ZNF536: variants seen among roughly 807,000 people sequenced by gnomAD.
The protein encoded by ZNF536 is zinc finger protein 536.
In ZNF536, 13 loss-of-function variants were observed where a neutral mutation model predicts 84.5. The ratio of observed to expected loss-of-function variants is 0.15; its 90% confidence interval spans 0.10 to 0.24. The LOEUF (loss-of-function observed/expected upper bound fraction) is 0.24, where lower values mean the gene tolerates loss of function less well. ZNF536 is among the 10% of genes least tolerant of loss of function. The probability of loss-of-function intolerance (pLI) is 1.00; values close to 1 mark genes in which losing one functional copy is unlikely to be tolerated. For synonymous variants in ZNF536, 811 were observed against 742.5 expected (o/e 1.09, Z -1.50); for missense variants, 1,536 against 1,747.5 (o/e 0.88, Z 2.16).
At chr19:30,521,403 G>A (rs2044314974) in intron 2 of ZNF536, among the ~76,000 whole-genome samples, 1 of 152,174 alleles carries the variant, frequency 6.6e-6, no homozygotes, top group Non-Finnish European at 1.5e-5. Flanking sequence ...CTCATCTTGG[G>A]ATCCTTGTCT....
chr19:30,285,963 T>C (rs1412365290), intron 2 of ZNF536, among the ~76,000 whole-genome samples: 2 of 152,192 alleles, frequency 1.3e-5, no homozygotes, highest in African/African-American at 4.8e-5. Context: ...CTGTCAGAGT[T>C]CCAGAGTTCC....
At chr19:30,463,286 A>G (rs1202983396) in intron 2 of ZNF536, among the ~76,000 whole-genome samples, 1 of 152,080 alleles carries the variant, frequency 6.6e-6, no homozygotes, top group Non-Finnish European at 1.5e-5. Flanking sequence ...TTTTTCCAAA[A>G]CCTTCGCTCA....
intron 1 of ZNF536, among the ~76,000 whole-genome samples, chr19:30,615,734 T>A (rs1447935398): frequency 1.3e-5 from 2 of 152,202 alleles, no homozygotes; most frequent in African/African-American, 4.8e-5. Context: ...GAATTAATAT[T>A]GTTATGACTT....
chr19:30,480,580 G>A (rs995654731), intron 2 of ZNF536, among the ~76,000 whole-genome samples: 31 of 152,212 alleles, frequency 2.0e-4, no homozygotes, highest in African/African-American at 7.0e-4. Context: ...GAGAGCGTTA[G>A]GACAAATACC....
intron 1 of ZNF536, among the ~76,000 whole-genome samples, chr19:30,655,248 C>T (rs914012605): frequency 6.6e-6 from 1 of 152,236 alleles, no homozygotes; most frequent in East Asian, 1.9e-4. Context: ...CAATGACAGA[C>T]TGCATAGGGG....
In ZNF536 at chr19:30,548,423, A is replaced by T. The variant is rs1194431539; in HGVS notation, c.2804A>T (p.Asp935Val). ...CTCAGTTCCTTGAAGAAGGAGAAGG[A>T]CATGAAGGACAAAGCCCTGGCTGAC... is the stretch of plus-strand genomic sequence containing the variant. ...FVLSSLKKEK[D>V]MKDKALADPP... Residue 935 changes from aspartate to valine, a missense_variant, in exon 4 of 5, where the codon GAC becomes GTC. By Grantham distance (152) the Asp-to-Val change is radical. Transcript: ENST00000355537. 1.2e-6 allele frequency: 2 copies of T among 1,614,194 alleles called. No homozygotes were observed. The highest frequency in any genetic ancestry group is 3.3e-5 in the Admixed American group (2 of 60,034).
At chr19:30,357,529 C>CAGAGATG (rs2048136225) in intron 3 of ZNF536, among the ~76,000 whole-genome samples, 1 of 151,902 alleles carries the variant, frequency 6.6e-6, no homozygotes, top group African/African-American at 2.4e-5. Context: ...CTCCTAGGTG[C>CAGAGATG]CAGGAATGAG....
At chr19:30,225,701 CGGGGCGCGGCGCGGTGCGG>C (rs1163964867), upstream of ZNF536, among the ~76,000 whole-genome samples, 4 of 67,614 alleles carry the variant, frequency 5.9e-5, no homozygotes, top group Admixed American at 2.0e-4. Context: ...GGGGGGATCG[CGGGGCGCGGCGCGGTGCGG>C]GGGGCGCGGC....
intron 1 of ZNF536, among the ~76,000 whole-genome samples, chr19:30,273,905 G>A (rs919382876): frequency 3.3e-5 from 5 of 152,240 alleles, no homozygotes; most frequent in Middle Eastern, 3.4e-3. Context: ...ACATATGCAT[G>A]CATATATGTG....
chr19:30,649,178 T>C (rs1216728019), intron 1 of ZNF536, among the ~76,000 whole-genome samples: 2 of 152,230 alleles, frequency 1.3e-5, no homozygotes, highest in East Asian at 1.9e-4. Flanking sequence ...TAGATGGACT[T>C]GGTGAGCAAA....
chr19:30,546,487 C>T (rs1011131942), intron 3 of ZNF536, among the ~76,000 whole-genome samples: 8 of 152,304 alleles, frequency 5.3e-5, no homozygotes, highest in Non-Finnish European at 8.8e-5. Flanking sequence ...GGTTCTGGCA[C>T]GTGATCTGGA....
chr19:30,263,700 T>TG (rs1351407334), intron 1 of ZNF536, among the ~76,000 whole-genome samples: 1 of 152,192 alleles, frequency 6.6e-6, no homozygotes, highest in African/African-American at 2.4e-5. Context: ...AAGAAGAAGT[T>TG]AAGTTGTGTG....
intron 2 of ZNF536, among the ~76,000 whole-genome samples, chr19:30,514,004 T>C (rs914522017): frequency 6.6e-6 from 1 of 152,182 alleles, no homozygotes; most frequent in African/African-American, 2.4e-5. Flanking sequence ...ATTGGCTTTC[T>C]GTGTGGGGGA....
intron 1 of ZNF536, among the ~76,000 whole-genome samples, chr19:30,259,165 C>T (rs2191002): frequency 0.26 from 38,908 of 151,980 alleles, 5,863 homozygotes; most frequent in East Asian, 0.6. Flanking sequence ...GAGAAGGTAG[C>T]GATTTTGCAC....
At position 30,438,642 on chromosome 19, in the gene ZNF536, G is replaced by A. The variant is rs563598435; in HGVS notation, c.-2-4919G>A. On this transcript the variant is annotated intron_variant, in intron 1 of 4. Coordinates refer to ENST00000355537, the MANE Select transcript of ZNF536 (RefSeq NM_014717.3). ...AAGGGATAATAAGACCTTCCAGCAG[G>A]TCTTTTATTTGAAATTTTAAAAAAT... Among the ~76,000 whole-genome samples the A allele has an allele frequency of 5.3e-5, 8 of 152,314 alleles. No homozygotes were observed. The South Asian group carries it at 1.7e-3, about 32-fold the overall frequency.
At chr19:30,631,642 T>C (rs559914500) in intron 1 of ZNF536, among the ~76,000 whole-genome samples, 3 of 152,274 alleles carry the variant, frequency 2.0e-5, no homozygotes, top group Admixed American at 6.5e-5. Context: ...CCTGGACTGC[T>C]GGCCTAGAGT....
intron 2 of ZNF536, among the ~76,000 whole-genome samples, chr19:30,509,391 TATAC>T (rs200761634): frequency 0.096 from 14,254 of 148,052 alleles, 939 homozygotes; most frequent in Non-Finnish European, 0.15. Context: ...TATTATATCT[TATAC>T]ATACATAATT....
At chr19:30,352,166 G>C (rs151154563) in intron 2 of ZNF536, among the ~76,000 whole-genome samples, 1 of 152,320 alleles carries the variant, frequency 6.6e-6, no homozygotes, top group Non-Finnish European at 1.5e-5. Context: ...AGATCCCAGT[G>C]CTAGGCAGTA....
chr19:30,700,001 CTCTT>C (rs1020437470), intron 1 of ZNF536, among the ~76,000 whole-genome samples: 45 of 151,920 alleles, frequency 3.0e-4, no homozygotes, highest in African/African-American at 8.4e-4. Flanking sequence ...TCTCTTTTTT[CTCTT>C]TCTTTCTTTC....
Sources: allele counts gnomAD v4.1 joint callset (sites outside exome capture counted in the v4.1 genomes callset), GRCh38; gene constraint gnomAD v4.1.1; transcripts MANE v1.5; gene names NCBI Gene and HGNC (gene_info 2026-07-23, HGNC 2026-07-21).